Variants in UBE2V1 observed in about 807,000 individuals in gnomAD.
UBE2V1 encodes ubiquitin-conjugating enzyme E2 variant 1.
A neutral mutation model predicts 19.6 loss-of-function variants in UBE2V1; 15 were observed. The ratio of observed to expected loss-of-function variants is 0.77; its 90% CI spans 0.51 to 1.18. The LOEUF (loss-of-function observed/expected upper bound fraction) is 1.18. Among genes scored for constraint, UBE2V1 ranks in the 50% most tolerant of loss-of-function variants. The probability of loss-of-function intolerance (pLI) is 0.00; values close to 1 mark genes in which losing one functional copy is unlikely to be tolerated. For synonymous variants in UBE2V1, 60 were observed against 60.7 expected (o/e 0.99, Z 0.05); for missense variants, 125 against 184.8 (o/e 0.68, Z 1.88).
intron 1 of UBE2V1, chr20:50,099,000 A>G: frequency 1.0e-6 from 1 of 983,112 alleles, no homozygotes; most frequent in Non-Finnish European, 1.2e-6. Flanking sequence ...TAGTGGTGAC[A>G]TTATAGGCAA....
In UBE2V1 at chr20:50,086,460, A is replaced by G. The variant is rs900016143; in HGVS notation, c.172-2206T>C. Among the ~76,000 whole-genome samples, 9 of 142,200 alleles carry G rather than the reference A, an allele frequency of 6.3e-5. No homozygotes were observed. In the East Asian group the frequency reaches 1.6e-3, roughly 25 times the overall value. The allele number at this position is 142,200 out of a possible 152,430, so 93.3% of individuals were successfully genotyped here. ...TTGCAATTAAGGTGTTTCCTCAAAG[A>G]AAAAAAAAACCCAGTAAACAGAACA... On this transcript the variant is annotated intron_variant, in intron 2 of 3. Transcript: ENST00000371674.
chr20:50,085,906 TCCCACTGTTCTACCTCTGAAAGAGAC>T (rs538093202), intron 2 of UBE2V1, among the ~76,000 whole-genome samples: 223 of 152,134 alleles, frequency 1.5e-3, no homozygotes, highest in African/African-American at 4.9e-3. Flanking sequence ...GGTCAGAAGG[TCCCACTGTTCTACCTCTGAAAGAGAC>T]CCCACTGTTC....
In UBE2V1 at chr20:50,103,046, A is replaced by G. The variant is rs567754603; in HGVS notation, c.23-6226T>C. On this transcript the variant is annotated intron_variant, in intron 1 of 3. Coordinates refer to ENST00000371674, the MANE Select transcript of UBE2V1 (RefSeq NM_001032288.3). Reference sequence around the variant, plus strand: ...TGCCTTATTTTTCTTCATAGTACTCATTGCCACTCGACATTGTAAATATAT... The same window carrying G: ...TGCCTTATTTTTCTTCATAGTACTCGTTGCCACTCGACATTGTAAATATAT... Among the ~76,000 whole-genome samples the G allele has an allele frequency of 2.6e-5, 4 of 152,226 alleles. No homozygotes were observed. In the East Asian group the frequency reaches 7.7e-4, roughly 29 times the overall value.
At chr20:50,111,318 G>T (rs1159087292) in intron 1 of UBE2V1, 1 of 992,848 alleles carries the variant, frequency 1.0e-6, no homozygotes, top group Non-Finnish European at 1.2e-6. Flanking sequence ...GGAGAAGTTA[G>T]AACCGGGCAG....
intron 2 of UBE2V1, among the ~76,000 whole-genome samples, chr20:50,093,881 C>T (rs1358503274): frequency 6.8e-5 from 10 of 147,620 alleles, no homozygotes; most frequent in Admixed American, 6.2e-4. Context: ...CCCAGCTACT[C>T]GGGAGGCTGA....
chr20:50,113,166 A>G, upstream of UBE2V1: 7 of 1,116,610 alleles, frequency 6.3e-6, no homozygotes, highest in Non-Finnish European at 8.0e-6. Flanking sequence ...CCCCTTCTTC[A>G]CCCCCCCCTT....
intron 1 of UBE2V1, among the ~76,000 whole-genome samples, chr20:50,112,832 C>T (rs551430554): frequency 6.6e-6 from 1 of 152,196 alleles, no homozygotes; most frequent in African/African-American, 2.4e-5. Flanking sequence ...CTCGCCCACT[C>T]CGGCTCCCCC....
intron 2 of UBE2V1, among the ~76,000 whole-genome samples, chr20:50,093,301 T>A (rs2079351807): frequency 6.6e-6 from 1 of 152,260 alleles, no homozygotes; most frequent in African/African-American, 2.4e-5. Flanking sequence ...AATGTTCTTT[T>A]GAGTAAAACA....
At chr20:50,089,069 T>C (rs1273204229) in intron 2 of UBE2V1, among the ~76,000 whole-genome samples, 2 of 152,156 alleles carry the variant, frequency 1.3e-5, no homozygotes, top group Non-Finnish European at 2.9e-5. Context: ...CTAGGTTTTA[T>C]AACAGAATTT....
chr20:50,113,680 C>T (rs1478753405), upstream of UBE2V1, among the ~76,000 whole-genome samples: 2 of 152,146 alleles, frequency 1.3e-5, no homozygotes, highest in Non-Finnish European at 2.9e-5. Flanking sequence ...TTGATGCTCC[C>T]CGGCCAGAGA....
chr20:50,109,852 G>A (rs1472880169), intron 1 of UBE2V1, among the ~76,000 whole-genome samples: 1 of 151,594 alleles, frequency 6.6e-6, no homozygotes, highest in Non-Finnish European at 1.5e-5. Context: ...ATATGAAGCT[G>A]TTCTTTGAAT....
At chr20:50,099,771 G>A (rs1383724596) in intron 1 of UBE2V1, among the ~76,000 whole-genome samples, 1 of 152,180 alleles carries the variant, frequency 6.6e-6, no homozygotes, top group Admixed American at 6.6e-5. Flanking sequence ...CATTCCTTAA[G>A]TGACTAACTT....
chr20:50,095,460 A>T (rs41308705), intron 2 of UBE2V1: 1 of 152,236 alleles, frequency 6.6e-6, no homozygotes, highest in South Asian at 2.1e-4. Context: ...ACTCCACAAA[A>T]CTATAGGGTC....
chr20:50,109,683 A>G (rs779011711), intron 1 of UBE2V1, among the ~76,000 whole-genome samples: 92 of 144,646 alleles, frequency 6.4e-4, no homozygotes, highest in Non-Finnish European at 1.1e-3. Context: ...TGGGAAGCAG[A>G]GGTTACAGTG....
intron 1 of UBE2V1, among the ~76,000 whole-genome samples, chr20:50,105,159 G>GT (rs2080276735): frequency 6.6e-6 from 1 of 152,152 alleles, no homozygotes; most frequent in Admixed American, 6.5e-5. Flanking sequence ...GTTTCATAAA[G>GT]TATGTATGAA....
intron 1 of UBE2V1, among the ~76,000 whole-genome samples, chr20:50,103,332 T>C (rs1222745738): frequency 1.3e-5 from 2 of 152,152 alleles, no homozygotes; most frequent in African/African-American, 4.8e-5. Flanking sequence ...GAGAGAAACA[T>C]TCACAGCACC....
At chr20:50,093,859 G>C (rs1325623624) in intron 2 of UBE2V1, among the ~76,000 whole-genome samples, 2 of 150,550 alleles carry the variant, frequency 1.3e-5, no homozygotes, top group Admixed American at 1.3e-4. Context: ...CGTGGTGGCG[G>C]GTACCTGTAA....
intron 1 of UBE2V1, among the ~76,000 whole-genome samples, chr20:50,104,143 G>C (rs1039240969): frequency 1.6e-4 from 23 of 148,362 alleles, no homozygotes; most frequent in Admixed American, 1.0e-3. Context: ...TTAGCTGGGC[G>C]TGGTGGTGCG....
intron 1 of UBE2V1, among the ~76,000 whole-genome samples, chr20:50,100,414 C>A (rs931307596): frequency 4.0e-5 from 6 of 151,110 alleles, no homozygotes; most frequent in African/African-American, 7.3e-5. Context: ...GATGAAACTC[C>A]GTCTCTACTA....
Sources: allele counts gnomAD v4.1 joint callset (sites outside exome capture counted in the v4.1 genomes callset), GRCh38; gene constraint gnomAD v4.1.1; transcripts MANE v1.5; gene names NCBI Gene and HGNC (gene_info 2026-07-23, HGNC 2026-07-21).